NBAS: variants seen among roughly 807,000 people sequenced by gnomAD.
NBAS encodes NBAS subunit of NRZ tethering complex.
In NBAS, 219 loss-of-function variants were observed where a neutral mutation model predicts 302.5. The observed-to-expected ratio is 0.72, with a 90% confidence interval of 0.65 to 0.81. The LOEUF is 0.81. Among genes scored for constraint, NBAS ranks in the 30% least tolerant of loss-of-function variants. The pLI, the probability that NBAS is intolerant of heterozygous loss-of-function variation, is 0.00. For missense variants in NBAS, 2,932 were observed against 2,841.6 expected (o/e 1.03, Z -0.72); for synonymous variants, 1,118 against 1,021.6 (o/e 1.09, Z -1.80).
chr2:15,225,460 A>C (rs926248270), intron 47 of NBAS, among the ~76,000 whole-genome samples: 1 of 152,190 alleles, frequency 6.6e-6, no homozygotes, highest in African/African-American at 2.4e-5. Context: ...GAGCAGGAAG[A>C]AGGAAAAAAA....
At chr2:15,067,753 A>G in the NBAS span, among the ~76,000 whole-genome samples, 1 of 152,182 alleles carries the variant, frequency 6.6e-6, no homozygotes, top group South Asian at 2.1e-4. Context: ...CTGCTGTCCA[A>G]CACTGCGCCT....
chr2:15,465,576 G>A (rs1422680997), intron 19 of NBAS, among the ~76,000 whole-genome samples: 1 of 152,128 alleles, frequency 6.6e-6, no homozygotes, highest in Non-Finnish European at 1.5e-5. Context: ...AAGAAGCCAT[G>A]TCCTGTGATT....
chr2:15,422,519 C>G (rs1677260387), intron 23 of NBAS, among the ~76,000 whole-genome samples: 1 of 151,432 alleles, frequency 6.6e-6, no homozygotes, highest in South Asian at 2.1e-4. Context: ...AAAATAAAGT[C>G]TATAAATAAA....
At chr2:15,034,191 G>GAAACAAAGAA in the NBAS span, among the ~76,000 whole-genome samples, 1 of 68,144 alleles carries the variant, frequency 1.5e-5, no homozygotes, top group African/African-American at 7.8e-5. Flanking sequence ...GAAAGAAAGA[G>GAAACAAAGAA]AAACAAAGAG....
chr2:14,927,155 C>A, the NBAS span, among the ~76,000 whole-genome samples: 2 of 152,214 alleles, frequency 1.3e-5, no homozygotes, highest in African/African-American at 4.8e-5. Context: ...CTTTGGACAG[C>A]AACCCTTTCC....
chr2:15,313,548 T>C (rs187228582), intron 38 of NBAS, among the ~76,000 whole-genome samples: 1 of 152,228 alleles, frequency 6.6e-6, no homozygotes, highest in Admixed American at 6.5e-5. Flanking sequence ...TGACAAACAA[T>C]TAATATATGC....
At chr2:15,501,584 A>ATTTTTT (rs70961416) in intron 11 of NBAS, among the ~76,000 whole-genome samples, 32 of 107,208 alleles carry the variant, frequency 3.0e-4, no homozygotes, top group Non-Finnish European at 4.5e-4. Context: ...TGAACTAAAT[A>ATTTTTT]TTTTTTTTTT....
rs536657069 is a variant in NBAS at position 15,219,076 on chromosome 2, C to T, written c.6237-108G>A. 100 of 1,374,552 alleles carry T rather than the reference C, an allele frequency of 7.3e-5. No individual in the cohort carries two copies. In the East Asian group the frequency reaches 2.1e-3, roughly 29 times the overall value. 85.1% of individuals were successfully genotyped at this position (1,374,552 alleles called of 1,614,324 possible). On this transcript the variant is annotated intron_variant, in intron 47 of 51. Coordinates refer to ENST00000281513, the MANE Select transcript of NBAS (RefSeq NM_015909.4). ...CTAACACTTGTTTGTTGGATGACTT[C>T]GTTTTTTTCCTCTTGAAAGGAAAAA... is the stretch of plus-strand genomic sequence containing the variant.
chr2:15,468,918 G>A (rs1387047113), intron 16 of NBAS, among the ~76,000 whole-genome samples: 1 of 152,168 alleles, frequency 6.6e-6, no homozygotes, highest in Non-Finnish European at 1.5e-5. Context: ...TAATAAGCAT[G>A]TTTAACTTTT....
rs190575038 is a variant in NBAS at position 15,558,555 on chromosome 2, C to A, written c.172+25G>T. The A allele has an allele frequency of 1.6e-5, 26 of 1,598,090 alleles. No individual in the cohort carries two copies. The East Asian group carries it at 5.6e-4, about 34-fold the overall frequency. On this transcript the variant is annotated intron_variant, in intron 2 of 51. Transcript: ENST00000281513. ...ATTTTAACTGTTAACCATATCATTA[C>A]TGTAGAGAAATAAGCTATATTTACC...
At chr2:15,079,951 T>G in the NBAS span, among the ~76,000 whole-genome samples, 8 of 152,322 alleles carry the variant, frequency 5.3e-5, no homozygotes, top group East Asian at 1.5e-3. Flanking sequence ...AACCATTATA[T>G]TGACAAATAA....
chr2:15,438,073 T>G (rs536298609), intron 21 of NBAS, among the ~76,000 whole-genome samples: 1 of 152,356 alleles, frequency 6.6e-6, no homozygotes, highest in East Asian at 1.9e-4. Context: ...CTCAATACAT[T>G]GCAGCTTTGC....
At chr2:15,529,309 G>C (rs1572974187) in intron 9 of NBAS, among the ~76,000 whole-genome samples, 1 of 152,018 alleles carries the variant, frequency 6.6e-6, no homozygotes, top group African/African-American at 2.4e-5. Context: ...AGATCAGCCT[G>C]AGCAACATGG....
intron 11 of NBAS, among the ~76,000 whole-genome samples, chr2:15,499,283 C>T (rs898327971): frequency 5.3e-5 from 8 of 152,260 alleles, no homozygotes; most frequent in South Asian, 2.1e-4. Flanking sequence ...GAATATAAAT[C>T]GTTCTGTCAT....
At chr2:15,033,570 A>G in the NBAS span, among the ~76,000 whole-genome samples, 1 of 152,176 alleles carries the variant, frequency 6.6e-6, no homozygotes, top group South Asian at 2.1e-4. Flanking sequence ...GCATATGTTG[A>G]ACTCTAATTC....
the NBAS span, among the ~76,000 whole-genome samples, chr2:15,095,650 CCA>C: frequency 6.6e-6 from 1 of 152,180 alleles, no homozygotes; most frequent in African/African-American, 2.4e-5. Context: ...CTGCCTTCCC[CCA>C]CAGTGTGGAG....
intron 38 of NBAS, among the ~76,000 whole-genome samples, chr2:15,324,235 C>T (rs1671960700): frequency 6.6e-6 from 1 of 152,106 alleles, no homozygotes; most frequent in Non-Finnish European, 1.5e-5. Context: ...CTTGAAATCC[C>T]TACAGCTTTT....
the NBAS span, among the ~76,000 whole-genome samples, chr2:15,025,811 T>G: frequency 0.77 from 117,231 of 152,148 alleles, 45,439 homozygotes; most frequent in East Asian, 1. Flanking sequence ...GCACATTGAT[T>G]TTGTATCCTG....
chr2:15,017,331 T>TA, the NBAS span, among the ~76,000 whole-genome samples: 1 of 151,554 alleles, frequency 6.6e-6, no homozygotes, highest in Non-Finnish European at 1.5e-5. Flanking sequence ...TAATATCAAA[T>TA]AAAAAAGCTT....
Sources: allele counts gnomAD v4.1 joint callset (sites outside exome capture counted in the v4.1 genomes callset), GRCh38; gene constraint gnomAD v4.1.1; transcripts MANE v1.5; gene names NCBI Gene and HGNC (gene_info 2026-07-23, HGNC 2026-07-21).